Variants in EIF4E2 observed in about 807,000 individuals in gnomAD.
The protein encoded by EIF4E2 is eukaryotic translation initiation factor 4E family member 2, also known as eukaryotic translation initiation factor 4E type 2.
A neutral mutation model predicts 34.2 loss-of-function variants in EIF4E2; 13 were observed. The observed-to-expected ratio is 0.38, with a 90% CI of 0.25 to 0.60. EIF4E2 has a LOEUF of 0.60. EIF4E2 is among the 20% of genes least tolerant of loss of function. The probability of loss-of-function intolerance (pLI) is 0.62; values close to 1 mark genes in which losing one functional copy is unlikely to be tolerated. For synonymous variants in EIF4E2, 100 were observed against 106.6 expected, an observed-to-expected ratio of 0.94 and a Z score of 0.38; for missense variants, 222 against 315.1, an observed-to-expected ratio of 0.70 and a Z score of 2.24.
chr2:232,561,233 A>G (rs1054724762), intron 3 of EIF4E2, among the ~76,000 whole-genome samples: 2 of 152,168 alleles, frequency 1.3e-5, no homozygotes, highest in Non-Finnish European at 2.9e-5. Context: ...CAGGAGTTCA[A>G]AACCAGCCTG....
At chr2:232,553,154 G>A (rs1386053577) in intron 1 of EIF4E2, among the ~76,000 whole-genome samples, 3 of 152,022 alleles carry the variant, frequency 2.0e-5, no homozygotes, top group African/African-American at 7.3e-5. Context: ...TTGCTTTTGT[G>A]GAGAAGGGGT....
In EIF4E2 at chr2:232,557,926, T is replaced by C. The variant is rs367941662; in HGVS notation, c.178T>C (p.Tyr60His). ...GGCAGAGCATCCCCTGCAGTACAACTACACTTTTTGGTACTCCAGGAGAAC... is the reference window on the plus strand; with the variant it reads ...GGCAGAGCATCCCCTGCAGTACAACCACACTTTTTGGTACTCCAGGAGAAC... Reference protein sequence around the residue: ...GPAEHPLQYNYTFWYSRRTPG... With the variant: ...GPAEHPLQYNHTFWYSRRTPG... The change falls in exon 3 of 7, where the codon TAC becomes CAC. Residue 60 changes from tyrosine to histidine, a missense_variant. Physicochemically the swap from Tyr to His is moderately conservative, Grantham distance 83 (BLOSUM62 2). This residue lies in a region of EIF4E2 where 87 missense variants were observed against 93.6 expected (regional missense o/e 0.93). Coordinates refer to ENST00000258416, the MANE Select transcript of EIF4E2 (RefSeq NM_004846.4). 3.2e-5 allele frequency: 52 copies of C among 1,614,098 alleles called. No individual in the cohort carries two copies. The East Asian group carries it at 7.1e-4, about 22-fold the overall frequency.
At position 232,566,990 on chromosome 2, in the gene EIF4E2, C is replaced by T. The variant is rs752499820; in HGVS notation, c.528+9C>T. On this transcript the variant is annotated intron_variant, in intron 5 of 6. Coordinates refer to ENST00000258416, the MANE Select transcript of EIF4E2 (RefSeq NM_004846.4). The surrounding 1 kb of genome is among the most constrained non-coding windows in gnomAD (Gnocchi z 4.9). ...TGTCTGTCCGCTTTCAGGTAAGCCA[C>T]CCATGAGCCAGGCTGGTTTCTTGTG... 3.4e-5 allele frequency: 54 copies of T among 1,589,612 alleles called. No homozygotes were observed. Among genetic ancestry groups the T allele is most frequent in the Non-Finnish European group, 4.5e-5 (52 of 1,167,400 alleles).
chr2:232,561,157 G>A (rs2077930), intron 3 of EIF4E2, among the ~76,000 whole-genome samples: 46,246 of 151,774 alleles, frequency 0.3, 7,520 homozygotes, highest in Admixed American at 0.41. Context: ...AATTTGGCCA[G>A]GCCTGGTAGC....
intron 3 of EIF4E2, chr2:232,558,344 GTAT>G: frequency 5.9e-6 from 1 of 169,802 alleles, no homozygotes; most frequent in Non-Finnish European, 1.3e-5. Flanking sequence ...GAATGCAGTG[GTAT>G]CATCTCAGCT....
downstream of EIF4E2, among the ~76,000 whole-genome samples, chr2:232,571,064 C>G (rs1438922831): frequency 2.6e-5 from 4 of 152,182 alleles, no homozygotes; most frequent in East Asian, 7.7e-4. Flanking sequence ...ATTTTTCAGT[C>G]AGGTGTTCCT....
exon 7 of EIF4E2, chr2:232,583,029 G>A (rs1272065742): frequency 1.3e-5 from 2 of 152,188 alleles, no homozygotes; most frequent in Non-Finnish European, 2.9e-5. Flanking sequence ...AGATTAAATA[G>A]TCAGTTTATC....
At chr2:232,574,799 T>G (rs1018190006) in intron 6 of EIF4E2, among the ~76,000 whole-genome samples, 13 of 152,158 alleles carry the variant, frequency 8.5e-5, no homozygotes, top group Non-Finnish European at 1.8e-4. Flanking sequence ...TAATATAAAT[T>G]CAGCGTTTCA....
In EIF4E2 at chr2:232,581,549, ACTCT is replaced by A. The variant is rs3841083; in HGVS notation, c.*610_*613del. 1 of 176,122 alleles carries A rather than the reference ACTCT, an allele frequency of 5.7e-6. No homozygotes were observed. Among genetic ancestry groups the A allele is most frequent in the Non-Finnish European group, 1.2e-5 (1 of 83,208 alleles). 10.9% of individuals were successfully genotyped at this position (176,122 alleles called of 1,614,324 possible). A position where few individuals can be genotyped will look rare whatever the true frequency, so the allele number is the denominator to read the frequency against. ...GCCCTCCGGTCTCCTCTCCTGTGGG[ACTCT>A]CTCCTTCTTAGGCACAGCTGCACTT... On this transcript the variant is annotated 3_prime_UTR_variant, in exon 7 of 7. Transcript: ENST00000409098. The surrounding 1 kb of genome is among the most constrained non-coding windows in gnomAD (Gnocchi z 5.2).
At chr2:232,563,369 C>T (rs1057284407) in intron 3 of EIF4E2, among the ~76,000 whole-genome samples, 3 of 149,698 alleles carry the variant, frequency 2.0e-5, no homozygotes, top group African/African-American at 7.4e-5. Flanking sequence ...CATACTGCTG[C>T]GTAGACCCTG....
intron 1 of EIF4E2, 134 bp from the exon 2 acceptor site, chr2:232,556,282 C>T: frequency 1.5e-6 from 1 of 653,640 alleles, no homozygotes. Flanking sequence ...TTATTTTGCC[C>T]TTCTTACATC....
chr2:232,574,006 G>A (rs1392798262), downstream of EIF4E2: 18 of 669,444 alleles, frequency 2.7e-5, no homozygotes, highest in Admixed American at 2.7e-4. Flanking sequence ...GAACACTGGT[G>A]CAAATCCTTG....
At position 232,557,929 on chromosome 2, in the gene EIF4E2, A is replaced by G. The variant is rs772130461; in HGVS notation, c.181A>G (p.Thr61Ala). 4.3e-6 allele frequency: 7 copies of G among 1,613,882 alleles called. No homozygotes were observed. Among genetic ancestry groups the G allele is most frequent in the Non-Finnish European group, 8.5e-7 (1 of 1,180,004 alleles). Residue 61 changes from threonine to alanine, a missense_variant, in exon 3 of 7, where the codon ACT becomes GCT. Coordinates refer to ENST00000258416, the MANE Select transcript of EIF4E2 (RefSeq NM_004846.4). ...AGAGCATCCCCTGCAGTACAACTAC[A>G]CTTTTTGGTACTCCAGGAGAACCCC... ...PAEHPLQYNY[T>A]FWYSRRTPGR...
At chr2:232,574,380 A>G in intron 6 of EIF4E2, 1 of 1,542,624 alleles carries the variant, frequency 6.5e-7, no homozygotes. Context: ...CCTGTGACAT[A>G]CCTCTCATCC....
chr2:232,580,812 G>A (rs1228938280), intron 6 of EIF4E2: 2 of 1,179,988 alleles, frequency 1.7e-6, no homozygotes, highest in African/African-American at 1.5e-5. Context: ...GACCCCGAGG[G>A]CTGATGAGTC....
At chr2:232,568,835 G>A (rs968831590) in intron 6 of EIF4E2, 110 bp from the exon 7 acceptor site, 3 of 1,539,226 alleles carry the variant, frequency 1.9e-6, no homozygotes, top group South Asian at 1.2e-5. Context: ...CTTCAGCCCT[G>A]TAGCTGTAGA....
At chr2:232,568,002 T>A (rs1692994371) in intron 6 of EIF4E2, 1 of 976,730 alleles carries the variant, frequency 1.0e-6, no homozygotes, top group Non-Finnish European at 1.2e-6. Context: ...CTTTGACAAG[T>A]GTCTTTGCAA....
intron 6 of EIF4E2, among the ~76,000 whole-genome samples, chr2:232,576,779 C>T (rs1693232610): frequency 6.6e-6 from 1 of 152,258 alleles, no homozygotes; most frequent in African/African-American, 2.4e-5. Context: ...CCCTGGCTTA[C>T]GTTTGTTGGG....
At chr2:232,570,032 A>G (rs1465658705), downstream of EIF4E2, among the ~76,000 whole-genome samples, 1 of 152,232 alleles carries the variant, frequency 6.6e-6, no homozygotes, top group Non-Finnish European at 1.5e-5. Flanking sequence ...AGCTACCACC[A>G]AAAACATAAT....
Sources: gnomAD v4.1 joint callset for allele counts (sites outside exome capture counted in the v4.1 genomes callset) on GRCh38, gnomAD v4.1.1 for gene constraint, gnomAD v4.1.1 regional missense constraint, Gnocchi (gnomAD v3.1) non-coding constraint, MANE v1.5 for transcripts, NCBI Gene and HGNC (gene_info 2026-07-23, HGNC 2026-07-21) for gene names.